Variants in SGCG observed in about 807,000 individuals in gnomAD.
SGCG encodes gamma-sarcoglycan.
SGCG carries 26 observed loss-of-function variants against 29.3 expected under a neutral mutation model. That is an observed-to-expected ratio of 0.89 (90% CI 0.65 to 1.23). SGCG has a LOEUF of 1.23. SGCG is among the 50% of genes most tolerant of loss of function. The pLI is 0.00. For missense variants in SGCG, 353 were observed against 356.0 expected (o/e 0.99, Z 0.07); for synonymous variants, 145 against 129.7 (o/e 1.12, Z -0.80).
intron 6 of SGCG, among the ~76,000 whole-genome samples, chr13:23,320,246 C>T (rs927388002): frequency 1.3e-5 from 2 of 152,180 alleles, no homozygotes; most frequent in Admixed American, 6.5e-5. Flanking sequence ...ACGATCACAA[C>T]TGTGAAGAGC....
In SGCG at chr13:23,275,428, G is replaced by A. The variant is rs189992674; in HGVS notation, c.386-3931G>A. Among the ~76,000 whole-genome samples the A allele has an allele frequency of 2.0e-3, 302 of 151,868 alleles. 1 individual carries two copies. Among genetic ancestry groups the A allele is most frequent in the Non-Finnish European group, 3.3e-3 (226 of 67,946 alleles). The stretch of plus-strand genomic sequence containing the variant: ...TGAGGCAGGAGAATCGCTTGAACCC[G>A]GGAGGCGGAGGTTGCAGTGAGCTGA... On this transcript the variant is annotated intron_variant, in intron 4 of 7. Transcript: ENST00000218867.
At chr13:23,225,077 G>T (rs898501429) in intron 2 of SGCG, among the ~76,000 whole-genome samples, 1 of 152,088 alleles carries the variant, frequency 6.6e-6, no homozygotes, top group Non-Finnish European at 1.5e-5. Context: ...ATCCCAGCTG[G>T]TGTAAATACT....
intron 5 of SGCG, among the ~76,000 whole-genome samples, chr13:23,285,345 G>A (rs996246076): frequency 6.6e-6 from 1 of 152,182 alleles, no homozygotes; most frequent in African/African-American, 2.4e-5. Flanking sequence ...GGCTACAGCA[G>A]CTTTGTCGAG....
In SGCG at chr13:23,312,746, A is replaced by G. The variant is rs1399184170; in HGVS notation, c.579-7891A>G. Among the ~76,000 whole-genome samples the G allele has an allele frequency of 2.6e-5, 4 of 152,280 alleles. No homozygotes were observed. In the East Asian group the frequency reaches 7.7e-4, roughly 29 times the overall value. On this transcript the variant is annotated intron_variant, in intron 6 of 7. Transcript: ENST00000218867. Reference sequence around the variant, plus strand: ...AACGACACTTGTACCCCCTAAATCTATACATATTTTTAAACTGTACTGATA... The same window carrying G: ...AACGACACTTGTACCCCCTAAATCTGTACATATTTTTAAACTGTACTGATA...
At chr13:23,225,807 A>C (rs868356068) in intron 2 of SGCG, among the ~76,000 whole-genome samples, 7 of 144,910 alleles carry the variant, frequency 4.8e-5, no homozygotes, top group African/African-American at 7.5e-5. Flanking sequence ...ACACACACAC[A>C]CCCCTACATA....
chr13:23,293,464 A>G (rs1210789851), intron 5 of SGCG, among the ~76,000 whole-genome samples: 2 of 152,176 alleles, frequency 1.3e-5, no homozygotes, highest in Non-Finnish European at 2.9e-5. Context: ...TAAAATTACT[A>G]AGGAAGTAGT....
At chr13:23,297,831 G>A (rs1881967126) in intron 6 of SGCG, among the ~76,000 whole-genome samples, 1 of 151,660 alleles carries the variant, frequency 6.6e-6, no homozygotes, top group South Asian at 2.1e-4. Flanking sequence ...TGCAACCTCT[G>A]CCTCCCGGAT....
chr13:23,197,286 G>A (rs1201446000), intron 1 of SGCG, among the ~76,000 whole-genome samples: 1 of 152,142 alleles, frequency 6.6e-6, no homozygotes, highest in Non-Finnish European at 1.5e-5. Context: ...CGTTGTAATT[G>A]ACTTCTCACG....
upstream of SGCG, among the ~76,000 whole-genome samples, chr13:23,178,996 T>C (rs1876644690): frequency 6.6e-6 from 1 of 152,112 alleles, no homozygotes; most frequent in Non-Finnish European, 1.5e-5. Context: ...AGGACCATGG[T>C]TGGAGCACGT....
intron 2 of SGCG, among the ~76,000 whole-genome samples, chr13:23,222,660 T>C (rs1878716671): frequency 1.3e-5 from 2 of 152,028 alleles, no homozygotes; most frequent in Admixed American, 6.6e-5. Flanking sequence ...ACCCTGTCTC[T>C]ACTAAAAATA....
intron 5 of SGCG, among the ~76,000 whole-genome samples, chr13:23,293,521 T>G (rs4274286): frequency 1.3e-5 from 2 of 151,900 alleles, no homozygotes; most frequent in Admixed American, 6.6e-5. Flanking sequence ...GTGGAGAAAA[T>G]GTGAAGGTAC....
chr13:23,288,288 T>G (rs1381511499), intron 5 of SGCG, among the ~76,000 whole-genome samples: 2 of 152,208 alleles, frequency 1.3e-5, no homozygotes, highest in African/African-American at 2.4e-5. Context: ...ATTCTTTGCT[T>G]CTTTTCTCCG....
At chr13:23,180,218 A>G (rs1251080874), upstream of SGCG, among the ~76,000 whole-genome samples, 1 of 152,230 alleles carries the variant, frequency 6.6e-6, no homozygotes, top group Non-Finnish European at 1.5e-5. Context: ...TATTAAAATT[A>G]TTCAGAAGTT....
chr13:23,184,452 T>C (rs1056083731), intron 1 of SGCG, among the ~76,000 whole-genome samples: 1 of 152,146 alleles, frequency 6.6e-6, no homozygotes, highest in African/African-American at 2.4e-5. Flanking sequence ...AAAATACTTA[T>C]AAAATAGATT....
At chr13:23,285,678 G>A (rs907519112) in intron 5 of SGCG, among the ~76,000 whole-genome samples, 2 of 152,192 alleles carry the variant, frequency 1.3e-5, no homozygotes, top group African/African-American at 4.8e-5. Flanking sequence ...CCTGCAGCTA[G>A]CTCAGTGTCT....
At chr13:23,238,840 T>C (rs1879403273) in intron 3 of SGCG, among the ~76,000 whole-genome samples, 2 of 152,116 alleles carry the variant, frequency 1.3e-5, no homozygotes, top group South Asian at 4.1e-4. Context: ...AACAGATTAA[T>C]AACAATTTAA....
chr13:23,197,130 T>C (rs1157020734), intron 1 of SGCG, among the ~76,000 whole-genome samples: 1 of 151,980 alleles, frequency 6.6e-6, no homozygotes, highest in East Asian at 1.9e-4. Context: ...ACTAGCTCAT[T>C]TTTTTTTGTT....
In SGCG at chr13:23,203,873, T is replaced by C; in HGVS notation, c.179T>C (p.Val60Ala). 1 of 1,610,654 alleles carries C rather than the reference T, an allele frequency of 6.2e-7. No homozygotes were observed. Among genetic ancestry groups the C allele is most frequent in the Non-Finnish European group, 8.5e-7 (1 of 1,176,776 alleles). ...GCTCTTACAATTTGGATTCTTAAAG[T>C]GATGTGGTTTTCTCCAGTAAGTATC... ...NLALTIWILKVMWFSPAGMGH... is the reference protein window; with the variant it reads ...NLALTIWILKAMWFSPAGMGH... The change falls in exon 2 of 8, where the codon GTG (valine) becomes GCG (alanine). Residue 60 changes from valine (V) to alanine (A), a missense_variant. Physicochemically the swap from Val to Ala is moderately conservative, Grantham distance 64 (BLOSUM62 0). Transcript: ENST00000218867.
chr13:23,162,599 C>T, the SGCG span, among the ~76,000 whole-genome samples: 17 of 152,084 alleles, frequency 1.1e-4, no homozygotes, highest in African/African-American at 3.9e-4. Context: ...GCACTCCAGC[C>T]TGGGCAACAG....
Sources: gnomAD v4.1 joint callset for allele counts (sites outside exome capture counted in the v4.1 genomes callset) on GRCh38, gnomAD v4.1.1 for gene constraint, MANE v1.5 for transcripts, NCBI Gene and HGNC (gene_info 2026-07-23, HGNC 2026-07-21) for gene names.